TMEM106B: variants seen among roughly 807,000 people sequenced by gnomAD.
TMEM106B encodes the protein transmembrane protein 106B.
TMEM106B carries 15 observed loss-of-function variants against 31.1 expected under a neutral mutation model. The observed-to-expected ratio is 0.48, with a 90% confidence interval of 0.32 to 0.74. TMEM106B has a LOEUF of 0.74. Among genes scored for constraint, TMEM106B ranks in the 30% least tolerant of loss-of-function variants. TMEM106B has a pLI of 0.03. For synonymous variants in TMEM106B, 126 were observed against 112.5 expected, an observed-to-expected ratio of 1.12 and a Z score of -0.76; for missense variants, 283 against 327.3, an observed-to-expected ratio of 0.86 and a Z score of 1.04.
chr7:12,214,151 C>T (rs1313500420), intron 1 of TMEM106B: 1 of 152,194 alleles, frequency 6.6e-6, no homozygotes, highest in African/African-American at 2.4e-5. Flanking sequence ...GCAAAGCTGT[C>T]TCTCGTGGGG....
rs1782036643 is a variant in TMEM106B, at chr7:12,232,043, A to G, written c.*68A>G. On this transcript the variant is annotated 3_prime_UTR_variant, in exon 8 of 8. Transcript: ENST00000396668. ...TTTCCTATACTCTCAATGAAGAGGT[A>G]TTTCCTAATAGGAGACCTTAAATTG... 6.8e-7 allele frequency: 1 copy of G among 1,471,406 alleles called. No homozygotes were observed. The highest frequency in any genetic ancestry group is 9.2e-7 in the Non-Finnish European group (1 of 1,081,298). The allele number at this position is 1,471,406 out of a possible 1,614,324, so 91.1% of individuals were successfully genotyped here.
chr7:12,211,939 G>T (rs916749560), intron 1 of TMEM106B, among the ~76,000 whole-genome samples: 2 of 152,238 alleles, frequency 1.3e-5, no homozygotes, highest in Admixed American at 6.5e-5. Flanking sequence ...GTAAACTAAG[G>T]AACCGCTATA....
At chr7:12,231,002 A>G (rs932152893) in intron 6 of TMEM106B, 60 bp from the exon 7 acceptor site, 40 of 1,217,874 alleles carry the variant, frequency 3.3e-5, no homozygotes, top group Admixed American at 1.3e-4. Context: ...GATAGGAGGG[A>G]GAATTTTTAA....
chr7:12,222,846 T>G (rs777609288), intron 3 of TMEM106B, among the ~76,000 whole-genome samples: 3 of 152,336 alleles, frequency 2.0e-5, no homozygotes, highest in Non-Finnish European at 4.4e-5. Context: ...CTTAAAACAC[T>G]AAGAAATATT....
In TMEM106B at chr7:12,218,286, G is replaced by T. The variant is rs552379131; in HGVS notation, c.218-172G>T. On this transcript the variant is annotated intron_variant, in intron 2 of 7. Transcript: ENST00000396668. The stretch of plus-strand genomic sequence containing the variant: ...TAGACATTTACGTGTGAAAAAACAC[G>T]CTGTCTTCTCTAGAACTTCTGCTGG... Among the ~76,000 whole-genome samples the T allele has an allele frequency of 2.8e-4, 41 of 145,754 alleles. 1 individual carries two copies. The South Asian group carries it at 8.2e-3, about 29-fold the overall frequency.
At position 12,237,715 on chromosome 7, in the gene TMEM106B, A is replaced by T. The variant is rs962426014; in HGVS notation, c.*5740A>T. The T allele has an allele frequency of 6.6e-6, 1 of 151,974 alleles. No individual in the cohort carries two copies. Among genetic ancestry groups the T allele is most frequent in the African/African-American group, 2.4e-5 (1 of 41,350 alleles). 9.4% of individuals were successfully genotyped at this position (151,974 alleles called of 1,614,324 possible). ...GCTGTGTGCAGTGGCTCACACCTGT[A>T]ATCCCAGCACTTTCGGAGGCCAAGG... On this transcript the variant is annotated 3_prime_UTR_variant, in exon 8 of 8. Transcript: ENST00000396668.
intron 4 of TMEM106B, among the ~76,000 whole-genome samples, chr7:12,228,554 A>AT (rs936455185): frequency 2.6e-5 from 4 of 151,420 alleles, no homozygotes; most frequent in Admixed American, 6.6e-5. Flanking sequence ...TATTGTCAGG[A>AT]TTTTTTTTCC....
At chr7:12,213,331 A>G (rs1489805637) in intron 1 of TMEM106B, among the ~76,000 whole-genome samples, 1 of 152,076 alleles carries the variant, frequency 6.6e-6, no homozygotes, top group Non-Finnish European at 1.5e-5. Context: ...GGGGCTTTTT[A>G]TTGTTGTTGC....
At chr7:12,222,822 C>T (rs1304788195) in intron 3 of TMEM106B, among the ~76,000 whole-genome samples, 1 of 152,108 alleles carries the variant, frequency 6.6e-6, no homozygotes, top group Non-Finnish European at 1.5e-5. Flanking sequence ...TTGCTCTGTT[C>T]TTAACTTGGG....
Position 12,236,519 on chromosome 7 carries a change from G to C in TMEM106B, c.*4544G>C, listed in dbSNP as rs1183936078. 6.6e-6 allele frequency: 1 copy of C among 151,798 alleles called. No homozygotes were observed. Among genetic ancestry groups the C allele is most frequent in the Non-Finnish European group, 1.5e-5 (1 of 67,844 alleles). The allele number at this position is 151,798 out of a possible 1,614,324, so 9.4% of individuals were successfully genotyped here. On this transcript the variant is annotated 3_prime_UTR_variant, in exon 8 of 8. Coordinates refer to ENST00000396668, the MANE Select transcript of TMEM106B (RefSeq NM_001134232.2). ...TTTTTAATTACATTAATTGAAATGT[G>C]TTTTAAGAGATACAATTTCAGCATA...
At chr7:12,219,388 C>T (rs1054981139) in intron 3 of TMEM106B, among the ~76,000 whole-genome samples, 22 of 152,132 alleles carry the variant, frequency 1.4e-4, no homozygotes, top group Non-Finnish European at 1.5e-5. Flanking sequence ...ATTCCATCAC[C>T]GCAAATGAAA....
intron 1 of TMEM106B, chr7:12,214,229 C>T (rs1386666249): frequency 6.6e-6 from 1 of 152,208 alleles, no homozygotes; most frequent in Non-Finnish European, 1.5e-5. Flanking sequence ...AGCGATTTAA[C>T]CAAGAGCCTG....
At chr7:12,217,419 C>T (rs1321513206) in intron 2 of TMEM106B, among the ~76,000 whole-genome samples, 1 of 152,138 alleles carries the variant, frequency 6.6e-6, no homozygotes. Context: ...GGAGAGTCAG[C>T]TTGAGAGTAT....
At chr7:12,230,853 A>G in intron 6 of TMEM106B, 1 of 407,200 alleles carries the variant, frequency 2.5e-6, no homozygotes, top group Non-Finnish European at 4.3e-6. Flanking sequence ...CATTTAAACA[A>G]CCCTGCAACT....
intron 3 of TMEM106B, among the ~76,000 whole-genome samples, chr7:12,222,736 C>T (rs1043686524): frequency 2.0e-5 from 3 of 152,188 alleles, no homozygotes; most frequent in African/African-American, 7.2e-5. Flanking sequence ...TTGCTCAAGA[C>T]AACAGCATGG....
intron 4 of TMEM106B, among the ~76,000 whole-genome samples, chr7:12,224,697 A>G (rs1781864358): frequency 1.3e-5 from 2 of 152,234 alleles, no homozygotes; most frequent in South Asian, 4.1e-4. Flanking sequence ...AACTTCTAGC[A>G]AAGTGTTGAC....
At chr7:12,215,313 C>G (rs17149894) in intron 2 of TMEM106B, among the ~76,000 whole-genome samples, 2 of 151,916 alleles carry the variant, frequency 1.3e-5, no homozygotes, top group African/African-American at 4.8e-5. Context: ...ACTTTTAGTC[C>G]TATTTGGCAT....
Position 12,235,322 on chromosome 7 carries a change from C to T in TMEM106B, c.*3347C>T, listed in dbSNP as rs1223208263. On this transcript the variant is annotated 3_prime_UTR_variant, in exon 8 of 8. Coordinates refer to ENST00000396668, the MANE Select transcript of TMEM106B (RefSeq NM_001134232.2). ...AATAGTATGAAAATATTAGATACCA[C>T]ATAAATTGTTTGAAATTACTGAATA... is the stretch of plus-strand genomic sequence containing the variant. 2.0e-5 allele frequency: 3 copies of T among 152,192 alleles called. No individual in the cohort carries two copies. The highest frequency in any genetic ancestry group is 4.4e-5 in the Non-Finnish European group (3 of 67,772). 9.4% of individuals were successfully genotyped at this position (152,192 alleles called of 1,614,324 possible).
intron 7 of TMEM106B, chr7:12,231,579 T>A: frequency 3.1e-6 from 1 of 321,272 alleles, no homozygotes; most frequent in Non-Finnish European, 5.6e-6. Context: ...TAATGAACTT[T>A]TATATTTTTA....
Sources: allele counts gnomAD v4.1 joint callset (sites outside exome capture counted in the v4.1 genomes callset), GRCh38; gene constraint gnomAD v4.1.1; transcripts MANE v1.5; gene names NCBI Gene and HGNC (gene_info 2026-07-23, HGNC 2026-07-21).